The following SRL variants were observed in gnomAD, a reference collection of about 807,000 sequenced individuals.
SRL encodes the protein sarcalumenin.
A neutral mutation model predicts 39.5 loss-of-function variants in SRL; 23 were observed. That is an observed-to-expected ratio of 0.58 (90% CI 0.42 to 0.82). The LOEUF is 0.82. Ranked by LOEUF, SRL falls within the 40% of genes least tolerant of loss-of-function variation. The probability of loss-of-function intolerance (pLI) is 0.00; values close to 1 mark genes in which losing one functional copy is unlikely to be tolerated. For missense variants in SRL, 592 were observed against 607.8 expected (o/e 0.97, Z 0.27); for synonymous variants, 272 against 237.4 (o/e 1.15, Z -1.34).
intron 1 of SRL, among the ~76,000 whole-genome samples, chr16:4,230,414 C>T (rs1401933548): frequency 4.0e-5 from 6 of 150,960 alleles, no homozygotes; most frequent in South Asian, 2.1e-4. Flanking sequence ...AGAGTCTTGC[C>T]CTGTCGCCCA....
chr16:4,214,279 C>T (rs939510797), intron 1 of SRL, among the ~76,000 whole-genome samples: 1 of 152,246 alleles, frequency 6.6e-6, no homozygotes, highest in Non-Finnish European at 1.5e-5. Flanking sequence ...ATGTTTATAA[C>T]AAGTACCTGC....
At chr16:4,220,073 T>A (rs2052504877) in intron 1 of SRL, among the ~76,000 whole-genome samples, 1 of 151,908 alleles carries the variant, frequency 6.6e-6, no homozygotes, top group Admixed American at 6.6e-5. Context: ...CCAGAGCAAA[T>A]CTGACCATTA....
rs542747542 is a variant in SRL at position 4,205,923 on chromosome 16, G to A, written c.62-1289C>T. On this transcript the variant is annotated intron_variant, in intron 1 of 5. Transcript: ENST00000399609. ...ACTGCACGACTGCAGCCCAGCCTGG[G>A]TGACAGAGTGAGACCTTGTCTCAAA... Among the ~76,000 whole-genome samples the A allele has an allele frequency of 6.7e-5, 10 of 150,326 alleles. No individual in the cohort carries two copies. The East Asian group carries it at 1.4e-3, about 20-fold the overall frequency.
At chr16:4,227,867 G>T (rs998565968) in intron 1 of SRL, among the ~76,000 whole-genome samples, 1 of 152,186 alleles carries the variant, frequency 6.6e-6, no homozygotes, top group African/African-American at 2.4e-5. Flanking sequence ...AAGACCTTAA[G>T]ATCTTATTGG....
intron 1 of SRL, chr16:4,207,899 C>T (rs755572742): frequency 6.6e-6 from 3 of 456,542 alleles, no homozygotes; most frequent in East Asian, 1.4e-4. Flanking sequence ...GATCGGGGCC[C>T]GCGCTGGCGG....
intron 3 of SRL, among the ~76,000 whole-genome samples, chr16:4,199,465 G>A (rs2052193430): frequency 7.1e-6 from 1 of 140,968 alleles, no homozygotes; most frequent in Non-Finnish European, 1.5e-5. Flanking sequence ...CAACCTCCCA[G>A]GCTCAAGCGA....
chr16:4,193,068 C>T (rs533991853), intron 5 of SRL, 104 bp from the exon 6 acceptor site: 18 of 1,005,340 alleles, frequency 1.8e-5, no homozygotes, highest in South Asian at 6.6e-5. Flanking sequence ...GAAGGAACAG[C>T]GCTACGGATT....
intron 4 of SRL, among the ~76,000 whole-genome samples, chr16:4,196,845 A>G (rs1196298598): frequency 6.6e-6 from 1 of 152,072 alleles, no homozygotes; most frequent in African/African-American, 2.4e-5. Flanking sequence ...TTCTTTTAGC[A>G]TAATGTCTTC....
In SRL at chr16:4,195,524, A is replaced by G. The variant is rs753623038; in HGVS notation, c.610+29T>C. On this transcript the variant is annotated intron_variant, in intron 5 of 5. Coordinates refer to ENST00000399609, the MANE Select transcript of SRL (RefSeq NM_001098814.2). ...AAAATAATTTTTTGAAACAGAGCTT[A>G]CACTGTTCAGAAATGAGGGCTAAAT... 8.7e-6 allele frequency: 14 copies of G among 1,606,600 alleles called. No individual in the cohort carries two copies. In the African/African-American group the frequency reaches 1.9e-4, roughly 22 times the overall value.
At position 4,233,349 on chromosome 16, in the gene SRL, T is replaced by C. The variant is rs2052678848; in HGVS notation, c.61+8658A>G. On this transcript the variant is annotated intron_variant, in intron 1 of 5. Transcript: ENST00000399609. The stretch of plus-strand genomic sequence containing the variant: ...AAATCATCTGTCATTCATTAGACCT[T>C]GTTGACTGCCTTGAATGAGCCAAGC... 2.0e-5 allele frequency among the ~76,000 whole-genome samples: 3 copies of C among 152,322 alleles called. No individual in the cohort carries two copies. The South Asian group carries it at 6.2e-4, about 32-fold the overall frequency.
rs1234997294 is a variant in SRL, at chr16:4,190,726, C to G, written c.*1427G>C. 1 of 361,470 alleles carries G rather than the reference C, an allele frequency of 2.8e-6. No individual in the cohort carries two copies. Among genetic ancestry groups the G allele is most frequent in the Non-Finnish European group, 4.9e-6 (1 of 202,470 alleles). 22.4% of individuals were successfully genotyped at this position (361,470 alleles called of 1,614,324 possible). On this transcript the variant is annotated 3_prime_UTR_variant, in exon 6 of 6. Coordinates refer to ENST00000399609, the MANE Select transcript of SRL (RefSeq NM_001098814.2). ...GTTCAGTGGACATCTGCATCAAGGT[C>G]AGGCGGGAAGGTCAATGTTAAGCCT...
intron 1 of SRL, among the ~76,000 whole-genome samples, chr16:4,213,404 CTTTTTTTTTTTTTT>C: frequency 1.4e-5 from 1 of 69,582 alleles, no homozygotes; most frequent in South Asian, 5.1e-4. Context: ...TTTTCTTTTT[CTTTTTTTTTTTTTT>C]TTTTTTTTTT....
At chr16:4,212,853 C>T (rs1280035688) in intron 1 of SRL, among the ~76,000 whole-genome samples, 1 of 152,142 alleles carries the variant, frequency 6.6e-6, no homozygotes, top group East Asian at 1.9e-4. Flanking sequence ...AGCCTCAGGG[C>T]AGGCCCAGGC....
chr16:4,227,939 TG>T (rs1328315031), intron 1 of SRL, among the ~76,000 whole-genome samples: 1 of 152,162 alleles, frequency 6.6e-6, no homozygotes, highest in Non-Finnish European at 1.5e-5. Context: ...AGCAGGAATG[TG>T]AACCCAAAGG....
chr16:4,192,304 C>G lies in SRL; in HGVS notation c.1271G>C (p.Gly424Ala), dbSNP rs766244790. 1.6e-5 allele frequency: 26 copies of G among 1,614,060 alleles called. No individual in the cohort carries two copies. The highest frequency in any genetic ancestry group is 2.1e-5 in the Non-Finnish European group (25 of 1,180,038). The change falls in exon 6 of 6, where the codon GGA becomes GCA. Residue 424 changes from glycine (G) to alanine (A), a missense_variant. Transcript: ENST00000399609. The surrounding 1 kb of genome is among the most constrained non-coding windows in gnomAD (Gnocchi z 4.0). ...KLLSQQCSYM[G>A]GCFLEKIERA... ...CTCAATCTTCTCCAGAAAGCAACCTCCCATGTAGGAGCACTGCTGGGAGAG... is the reference window on the plus strand; with the variant it reads ...CTCAATCTTCTCCAGAAAGCAACCTGCCATGTAGGAGCACTGCTGGGAGAG...
At chr16:4,201,115 A>ATT (rs2052222975) in intron 3 of SRL, among the ~76,000 whole-genome samples, 1 of 44,082 alleles carries the variant, frequency 2.3e-5, no homozygotes. Flanking sequence ...CCAGGGTTCC[A>ATT]ATTTTTTTTT....
intron 3 of SRL, among the ~76,000 whole-genome samples, chr16:4,200,174 CTG>C (rs1785295384): frequency 6.6e-6 from 1 of 152,214 alleles, no homozygotes; most frequent in African/African-American, 2.4e-5. Flanking sequence ...CCCTCCCTGT[CTG>C]TGAATACACA....
At position 4,207,410 on chromosome 16, in the gene SRL, C is replaced by T. The variant is rs1205513780; in HGVS notation, c.62-2776G>A. The T allele has an allele frequency of 1.3e-5, 6 of 456,546 alleles. No individual in the cohort carries two copies. The East Asian group carries it at 2.1e-4, about 16-fold the overall frequency. The allele number at this position is 456,546 out of a possible 1,614,324, so 28.3% of individuals were successfully genotyped here. A position where few individuals can be genotyped will look rare whatever the true frequency, so the allele number is the denominator to read the frequency against. ...TGGCTTGTGTGTCAATATCTGGCTC[C>T]GACTCTCCCCCAACAGCCGCGACGT... is the stretch of plus-strand genomic sequence containing the variant. On this transcript the variant is annotated intron_variant, in intron 1 of 5. Transcript: ENST00000399609.
Position 4,195,707 on chromosome 16 carries a change from A to G in SRL, c.456T>C (p.Ala152=). The G allele has an allele frequency of 2.5e-6, 4 of 1,614,126 alleles. No individual in the cohort carries two copies. Among genetic ancestry groups the G allele is most frequent in the Non-Finnish European group, 3.4e-6 (4 of 1,180,014 alleles). ...KLKTIEGIVM[A]ADSARSFSPL... is the part of the protein sequence containing the mutation. Reference sequence around the variant, plus strand: ...GTGAGAAGGAACGGGCGCTGTCAGCAGCCATGACGATGCCCTCGATGGTTT... The same window carrying G: ...GTGAGAAGGAACGGGCGCTGTCAGCGGCCATGACGATGCCCTCGATGGTTT... Residue 152 remains alanine, a synonymous_variant, in exon 5 of 6, where the codon GCT becomes GCC. Coordinates refer to ENST00000399609, the MANE Select transcript of SRL (RefSeq NM_001098814.2).
Sources: allele counts gnomAD v4.1 joint callset (sites outside exome capture counted in the v4.1 genomes callset), GRCh38; gene constraint gnomAD v4.1.1; non-coding constraint Gnocchi (gnomAD v3.1); transcripts MANE v1.5; gene names NCBI Gene and HGNC (gene_info 2026-07-23, HGNC 2026-07-21).